Variants in CDH13 observed in about 807,000 individuals in gnomAD.
The protein encoded by CDH13 is cadherin 13.
Under a neutral mutation model 63.8 loss-of-function variants are expected in CDH13, and 24 were observed. The observed-to-expected ratio is 0.38, with a 90% CI of 0.27 to 0.53. The LOEUF (loss-of-function observed/expected upper bound fraction) is 0.53, where lower values mean the gene tolerates loss of function less well. CDH13 is among the 20% of genes least tolerant of loss of function. The pLI is 0.85. For synonymous variants in CDH13, 503 were observed against 355.3 expected, an observed-to-expected ratio of 1.42 and a Z score of -4.67; for missense variants, 1,049 against 903.1, an observed-to-expected ratio of 1.16 and a Z score of -2.07.
chr16:82,892,928 T>G (rs531581856), intron 2 of CDH13, among the ~76,000 whole-genome samples: 1 of 152,368 alleles, frequency 6.6e-6, no homozygotes, highest in Non-Finnish European at 1.5e-5. Context: ...AAACACATTT[T>G]GACATTTGGC....
intron 5 of CDH13, among the ~76,000 whole-genome samples, chr16:83,330,472 A>G (rs1382941106): frequency 6.6e-6 from 1 of 152,182 alleles, no homozygotes; most frequent in Non-Finnish European, 1.5e-5. Flanking sequence ...TAGAAGGGCA[A>G]AGAATTCTTG....
At chr16:83,285,144 G>A (rs2089277729) in intron 5 of CDH13, among the ~76,000 whole-genome samples, 1 of 152,090 alleles carries the variant, frequency 6.6e-6, no homozygotes, top group African/African-American at 2.4e-5. Context: ...GTATCGATGT[G>A]ATCCTACCTG....
intron 6 of CDH13, among the ~76,000 whole-genome samples, chr16:83,367,407 C>G (rs187090752): frequency 2.0e-5 from 3 of 152,038 alleles, no homozygotes; most frequent in African/African-American, 7.2e-5. Flanking sequence ...CCATGGACAT[C>G]GGGTTGTTAC....
intron 6 of CDH13, among the ~76,000 whole-genome samples, chr16:83,412,033 G>A (rs1408020467): frequency 6.6e-6 from 1 of 152,210 alleles, no homozygotes; most frequent in Admixed American, 6.5e-5. Context: ...TGTTTGTGAA[G>A]GAGGCACAGG....
chr16:82,682,504 A>G (rs1316604086), intron 1 of CDH13, among the ~76,000 whole-genome samples: 1 of 152,200 alleles, frequency 6.6e-6, no homozygotes, highest in African/African-American at 2.4e-5. Context: ...ACATGTATAC[A>G]TTTACTTTCT....
intron 5 of CDH13, among the ~76,000 whole-genome samples, chr16:83,253,961 C>A: frequency 6.6e-6 from 1 of 152,144 alleles, no homozygotes; most frequent in East Asian, 1.9e-4. Context: ...CAGTCATAAC[C>A]GTCTGCCCAG....
intron 10 of CDH13, among the ~76,000 whole-genome samples, chr16:83,679,643 A>G (rs1402356185): frequency 2.0e-5 from 3 of 152,196 alleles, no homozygotes; most frequent in Admixed American, 6.5e-5. Context: ...TCTTGTTGCT[A>G]TCTGACAATG....
intron 1 of CDH13, among the ~76,000 whole-genome samples, chr16:82,797,014 C>T (rs1175741638): frequency 2.0e-5 from 3 of 152,340 alleles, no homozygotes; most frequent in African/African-American, 2.4e-5. Flanking sequence ...ACCAGCCTGA[C>T]ACAGTATACA....
chr16:83,451,305 C>T (rs991825697), intron 6 of CDH13, among the ~76,000 whole-genome samples: 5 of 152,116 alleles, frequency 3.3e-5, no homozygotes, highest in Non-Finnish European at 4.4e-5. Flanking sequence ...TGGCAGCAGG[C>T]AAGAGAAAGC....
At chr16:83,624,492 C>G (rs905834054) in intron 8 of CDH13, among the ~76,000 whole-genome samples, 1 of 152,124 alleles carries the variant, frequency 6.6e-6, no homozygotes, top group African/African-American at 2.4e-5. Context: ...CAGTTAGATT[C>G]TCTTAAGAAA....
At chr16:83,362,600 G>T (rs540939004) in intron 6 of CDH13, among the ~76,000 whole-genome samples, 28 of 152,280 alleles carry the variant, frequency 1.8e-4, no homozygotes, top group African/African-American at 6.3e-4. Flanking sequence ...CATGTTTCAT[G>T]TGAGGACACA....
At chr16:83,269,877 G>T (rs377362490) in intron 5 of CDH13, among the ~76,000 whole-genome samples, 1 of 152,256 alleles carries the variant, frequency 6.6e-6, no homozygotes, top group South Asian at 2.1e-4. Flanking sequence ...TGTCTGTCCT[G>T]CTTCCTCAAA....
At chr16:83,319,241 CTT>C (rs2090170151) in intron 5 of CDH13, among the ~76,000 whole-genome samples, 1 of 152,094 alleles carries the variant, frequency 6.6e-6, no homozygotes, top group Non-Finnish European at 1.5e-5. Flanking sequence ...TTTCTGTTGT[CTT>C]TTAAAAATAT....
chr16:82,891,902 T>C (rs760178315), intron 2 of CDH13, among the ~76,000 whole-genome samples: 1 of 152,190 alleles, frequency 6.6e-6, no homozygotes, highest in Non-Finnish European at 1.5e-5. Context: ...TGGTCACGTG[T>C]CCCTTAAATA....
chr16:83,179,450 C>G (rs958065813), intron 4 of CDH13, among the ~76,000 whole-genome samples: 1 of 138,660 alleles, frequency 7.2e-6, no homozygotes, highest in African/African-American at 2.9e-5. Flanking sequence ...TGGAGACCAT[C>G]CTGGCTAACA....
intron 1 of CDH13, among the ~76,000 whole-genome samples, chr16:82,778,886 C>G (rs1312442688): frequency 6.6e-6 from 1 of 152,096 alleles, no homozygotes; most frequent in African/African-American, 2.4e-5. Context: ...CTGAAGTATC[C>G]TTGGTGTTTC....
chr16:82,960,835 T>G (rs1198279550), intron 2 of CDH13, among the ~76,000 whole-genome samples: 1 of 152,218 alleles, frequency 6.6e-6, no homozygotes, highest in Non-Finnish European at 1.5e-5. Flanking sequence ...AAATTATTGT[T>G]AATACAAATA....
chr16:82,684,589 G>A (rs1164882023), intron 1 of CDH13, among the ~76,000 whole-genome samples: 1 of 152,058 alleles, frequency 6.6e-6, no homozygotes, highest in East Asian at 1.9e-4. Flanking sequence ...CTACCTTAAT[G>A]TATGAGGACT....
At chr16:83,629,306 T>G (rs1910580363) in intron 8 of CDH13, among the ~76,000 whole-genome samples, 1 of 152,238 alleles carries the variant, frequency 6.6e-6, no homozygotes, top group African/African-American at 2.4e-5. Context: ...GTCAAGAGGT[T>G]GTAGCATCCT....
Sources: allele counts gnomAD v4.1 joint callset (sites outside exome capture counted in the v4.1 genomes callset), GRCh38; gene constraint gnomAD v4.1.1; transcripts MANE v1.5; gene names NCBI Gene and HGNC (gene_info 2026-07-23, HGNC 2026-07-21).